NLRC5: variants seen among roughly 807,000 people sequenced by gnomAD.
NLRC5 encodes the protein protein NLRC5.
In NLRC5, 114 loss-of-function variants were observed where a neutral mutation model predicts 206.9. That is an observed-to-expected ratio of 0.55 (90% CI 0.47 to 0.64). NLRC5 has a LOEUF of 0.64. Ranked by LOEUF, NLRC5 falls within the 30% of genes least tolerant of loss-of-function variation. NLRC5 has a pLI of 0.00. For missense variants in NLRC5, 2,008 were observed against 2,305.5 expected (o/e 0.87, Z 2.64); for synonymous variants, 952 against 962.8 (o/e 0.99, Z 0.21).
intron 36 of NLRC5, among the ~76,000 whole-genome samples, chr16:57,068,385 T>C (rs1360248279): frequency 2.6e-5 from 4 of 151,644 alleles, no homozygotes; most frequent in Non-Finnish European, 5.9e-5. Flanking sequence ...GAGCCAAGAT[T>C]GTGCCACTGC....
chr16:57,045,200 C>T (rs1478275653), intron 20 of NLRC5: 1 of 493,696 alleles, frequency 2.0e-6, no homozygotes. Flanking sequence ...GAGCAAGACC[C>T]TTTCTTCGAA....
chr16:57,019,253 T>C (rs1334981064), intron 2 of NLRC5, among the ~76,000 whole-genome samples: 1 of 152,100 alleles, frequency 6.6e-6, no homozygotes, highest in Non-Finnish European at 1.5e-5. Flanking sequence ...AAAAATTAGC[T>C]GGGCATTGTG....
At chr16:57,038,460 A>G (rs1399412723) in intron 15 of NLRC5, among the ~76,000 whole-genome samples, 2 of 152,056 alleles carry the variant, frequency 1.3e-5, no homozygotes, top group Non-Finnish European at 2.9e-5. Flanking sequence ...GTCTTGCTAT[A>G]TTGACCAGGC....
chr16:57,049,658 C>G (rs1460129342), intron 23 of NLRC5, among the ~76,000 whole-genome samples: 1 of 151,908 alleles, frequency 6.6e-6, no homozygotes, highest in African/African-American at 2.4e-5. Flanking sequence ...TGCTTGAACC[C>G]GGGAGGCAGA....
chr16:56,992,453 TTTTATTTA>T (rs1257084458), intron 1 of NLRC5: 1 of 151,668 alleles, frequency 6.6e-6, no homozygotes, highest in South Asian at 2.1e-4. Flanking sequence ...ATCTTTTTTA[TTTTATTTA>T]TTTATTTATT....
intron 23 of NLRC5, among the ~76,000 whole-genome samples, chr16:57,048,583 GA>G (rs1213029866): frequency 6.6e-6 from 1 of 152,156 alleles, no homozygotes; most frequent in Non-Finnish European, 1.5e-5. Flanking sequence ...GCCCAGGCTG[GA>G]GTGCAATGGC....
Position 57,026,962 on chromosome 16 carries a change from C to G in NLRC5, c.2019C>G (p.Pro673=). ...APIHLDFDGC[P]LEPHCPEALV... ...TCCACCTGGATTTTGATGGCTGTCCCCTGGAGCCCCACTGCCCTGAGGCTC... is the reference window on the plus strand; with the variant it reads ...TCCACCTGGATTTTGATGGCTGTCCGCTGGAGCCCCACTGCCCTGAGGCTC... The change falls in exon 6 of 49, where the codon CCC becomes CCG. Residue 673 remains proline, a synonymous_variant. Transcript: ENST00000688547. 3 of 1,614,152 alleles carry G rather than the reference C, an allele frequency of 1.9e-6. No homozygotes were observed. Among genetic ancestry groups the G allele is most frequent in the Non-Finnish European group, 8.5e-7 (1 of 1,180,030 alleles).
At chr16:57,078,251 C>G (rs150086190) in intron 43 of NLRC5, among the ~76,000 whole-genome samples, 109 of 152,336 alleles carry the variant, frequency 7.2e-4, no homozygotes, top group African/African-American at 2.0e-3. Flanking sequence ...TTGGCCAAAC[C>G]CCTGCCCCTT....
In NLRC5 at chr16:57,079,133, G is replaced by A. The variant is rs761087401; in HGVS notation, c.5165G>A (p.Ser1722Asn). 3 of 1,614,128 alleles carry A rather than the reference G, an allele frequency of 1.9e-6. No homozygotes were observed. The highest frequency in any genetic ancestry group is 2.5e-6 in the Non-Finnish European group (3 of 1,180,026). ...LDGSPHLEEI[S>N]LAENNLAGGV... ...GGATCCCCCCATTTGGAAGAGATCA[G>A]GTAAGTAGGGGCTGCCCAGCCCAGG... The change falls in exon 44 of 49, where the codon AGC becomes AAC. Residue 1722 changes from serine to asparagine, a missense_variant and splice_region_variant. Physicochemically the swap from Ser to Asn is conservative, Grantham distance 46. Transcript: ENST00000688547.
chr16:57,082,254 G>T (rs1306870467), intron 48 of NLRC5, among the ~76,000 whole-genome samples, 163 bp from the exon 49 acceptor site: 1 of 152,166 alleles, frequency 6.6e-6, no homozygotes, highest in Non-Finnish European at 1.5e-5. Flanking sequence ...GGCAGGTGTG[G>T]GGTACACCCT....
rs898738796 is a variant in NLRC5 at position 57,037,181 on chromosome 16, C to T, written c.2712-14C>T. The T allele has an allele frequency of 6.2e-6, 10 of 1,611,954 alleles. No individual in the cohort carries two copies. Among genetic ancestry groups the T allele is most frequent in the Non-Finnish European group, 8.5e-6 (10 of 1,178,360 alleles). On this transcript the variant is annotated splice_polypyrimidine_tract_variant and intron_variant, in intron 14 of 48. Coordinates refer to ENST00000688547, the MANE Select transcript of NLRC5 (RefSeq NM_001384950.1). The stretch of plus-strand genomic sequence containing the variant: ...AGCCACATGCCAACGGCTGCCTTCT[C>T]CTGCTCTCCACAGCCTCAGTAACAA...
chr16:57,078,013 G>T lies in NLRC5; in HGVS notation c.5074G>T (p.Val1692Phe), dbSNP rs1345162436. ...TCAGGAGCTGCCCCAGCACCTGAGG[G>T]TCCTACAGTGAGTGGCCCCCTGCCC... Reference protein sequence around the residue: ...LAQELPQHLRVLHLPFSHLGP... With the variant: ...LAQELPQHLRFLHLPFSHLGP... Residue 1692 changes from valine to phenylalanine, a missense_variant, in exon 43 of 49, where the codon GTC becomes TTC. By Grantham distance (50) the Val-to-Phe change is conservative (BLOSUM62 -1). Coordinates refer to ENST00000688547, the MANE Select transcript of NLRC5 (RefSeq NM_001384950.1). 1 of 1,598,988 alleles carries T rather than the reference G, an allele frequency of 6.3e-7. No homozygotes were observed. The highest frequency in any genetic ancestry group is 2.2e-5 in the East Asian group (1 of 44,552).
At chr16:57,036,012 G>T in intron 13 of NLRC5, 88 bp from the exon 14 acceptor site, 1 of 1,263,720 alleles carries the variant, frequency 7.9e-7, no homozygotes, top group East Asian at 2.3e-5. Flanking sequence ...GTGACACTTT[G>T]ACTAAAGTTA....
At chr16:56,989,656 C>A in intron 1 of NLRC5, 39 bp downstream of exon 1, 1 of 153,046 alleles carries the variant, frequency 6.5e-6, no homozygotes, top group Non-Finnish European at 1.5e-5. Flanking sequence ...GGGACCCGGG[C>A]TGGGGCGAGC....
Position 57,061,468 on chromosome 16 carries a change from G to T in NLRC5, c.4007G>T (p.Arg1336Leu). 3 of 1,611,356 alleles carry T rather than the reference G, an allele frequency of 1.9e-6. No individual in the cohort carries two copies. The highest frequency in any genetic ancestry group is 2.5e-6 in the Non-Finnish European group (3 of 1,180,000). ...CTCAGGCTAAGTGAGTGCAGCTTCC[G>T]GCCAGAGCACGTGTCCAGGCTGGCC... ...KTLRLSECSF[R>L]PEHVSRLATG... Residue 1336 changes from arginine (R) to leucine (L), a missense_variant, in exon 31 of 49, where the codon CGG becomes CTG. Physicochemically the swap from Arg to Leu is moderately radical, Grantham distance 102. Coordinates refer to ENST00000688547, the MANE Select transcript of NLRC5 (RefSeq NM_001384950.1).
chr16:57,029,787 A>T lies in NLRC5; in HGVS notation c.2258A>T (p.Gln753Leu). ...TCTCCTCGCAGTTTTCGGGACAACC[A>T]GCTCAGTGACCAGGTGGTGCTGAAC... Reference protein sequence around the residue: ...QLKEVSFRDNQLSDQVVLNIV... With the variant: ...QLKEVSFRDNLLSDQVVLNIV... Residue 753 changes from glutamine (Q) to leucine (L), a missense_variant, in exon 9 of 49, where the codon CAG (glutamine) becomes CTG (leucine). Transcript: ENST00000688547. 1 of 1,614,156 alleles carries T rather than the reference A, an allele frequency of 6.2e-7. No individual in the cohort carries two copies. The highest frequency in any genetic ancestry group is 8.5e-7 in the Non-Finnish European group (1 of 1,180,002).
At chr16:57,060,759 C>A (rs1488993641) in intron 30 of NLRC5, among the ~76,000 whole-genome samples, 1 of 152,240 alleles carries the variant, frequency 6.6e-6, no homozygotes, top group Non-Finnish European at 1.5e-5. Flanking sequence ...CTCTTCCTTG[C>A]CTTTTCTGAG....
In NLRC5 at chr16:57,082,514, C is replaced by A. The variant is rs757058059; in HGVS notation, c.5587C>A (p.Pro1863Thr). ...FAFFDNQPQA[P>T]WGT ...CTTCTTTGACAACCAGCCCCAGGCC[C>A]CTTGGGGTACTTGATGGCCCCCTCA... The change falls in exon 49 of 49, where the codon CCT becomes ACT. Residue 1863 changes from proline to threonine, a missense_variant. Pro to Thr is a conservative substitution (Grantham distance 38, BLOSUM62 -1). Transcript: ENST00000688547. 3.1e-6 allele frequency: 5 copies of A among 1,612,682 alleles called. No individual in the cohort carries two copies. In the East Asian group the frequency reaches 1.1e-4, roughly 36 times the overall value.
At chr16:57,067,273 T>C in intron 34 of NLRC5, 114 bp from the exon 35 acceptor site, 1 of 848,564 alleles carries the variant, frequency 1.2e-6, no homozygotes, top group East Asian at 2.4e-5. Context: ...ACTGTAGGAC[T>C]TCATTTGATC....
Sources: gnomAD v4.1 joint callset for allele counts (sites outside exome capture counted in the v4.1 genomes callset) on GRCh38, gnomAD v4.1.1 for gene constraint, MANE v1.5 for transcripts, NCBI Gene and HGNC (gene_info 2026-07-23, HGNC 2026-07-21) for gene names.